Variants in ALDH4A1 observed in about 807,000 individuals in gnomAD.
ALDH4A1 encodes the protein delta-1-pyrroline-5-carboxylate dehydrogenase, mitochondrial.
Under a neutral mutation model 70.5 loss-of-function variants are expected in ALDH4A1, and 46 were observed. That is an observed-to-expected ratio of 0.65 (90% CI 0.51 to 0.83). The LOEUF is 0.83. ALDH4A1 is among the 40% of genes least tolerant of loss of function. The pLI, the probability that ALDH4A1 is intolerant of heterozygous loss-of-function variation, is 0.00. For missense variants in ALDH4A1, 749 were observed against 766.5 expected (o/e 0.98, Z 0.27); for synonymous variants, 323 against 324.3 (o/e 1.00, Z 0.04).
At chr1:18,887,243 A>C (rs1383893394) in intron 3 of ALDH4A1, among the ~76,000 whole-genome samples, 1 of 152,282 alleles carries the variant, frequency 6.6e-6, no homozygotes, top group Non-Finnish European at 1.5e-5. Flanking sequence ...ACAGGAGCTC[A>C]GGCCATGAGA....
chr1:18,882,941 G>A (rs901356275), intron 7 of ALDH4A1, among the ~76,000 whole-genome samples, 183 bp downstream of exon 7: 1 of 152,206 alleles, frequency 6.6e-6, no homozygotes, highest in East Asian at 1.9e-4. Flanking sequence ...AGAGAGGCAC[G>A]ACGCTGGGAT....
At chr1:18,890,151 C>A (rs1430864086) in intron 1 of ALDH4A1, 46 bp from the exon 2 acceptor site, 29 of 1,504,548 alleles carry the variant, frequency 1.9e-5, no homozygotes, top group Non-Finnish European at 2.6e-5. Context: ...TCAGCAGCGG[C>A]CCCACCACCA....
At chr1:18,886,649 C>A in intron 3 of ALDH4A1, 138 bp from the exon 4 acceptor site, 1 of 917,634 alleles carries the variant, frequency 1.1e-6, no homozygotes, top group Non-Finnish European at 1.7e-6. Context: ...CCCATGAAAC[C>A]CTCCCCAGTG....
At chr1:18,874,397 G>T in intron 14 of ALDH4A1, 66 bp downstream of exon 14, 2 of 1,442,422 alleles carry the variant, frequency 1.4e-6, no homozygotes, top group South Asian at 1.1e-5. Context: ...GAAGCCCCTC[G>T]AGACGTAACA....
chr1:18,892,562 G>GT (rs1005547899), intron 1 of ALDH4A1, among the ~76,000 whole-genome samples: 1 of 151,722 alleles, frequency 6.6e-6, no homozygotes, highest in African/African-American at 2.4e-5. Flanking sequence ...AGGAGGCGGG[G>GT]GGGGGCTGAG....
In ALDH4A1 at chr1:18,872,737, A is replaced by G; in HGVS notation, c.*108T>C. On this transcript the variant is annotated 3_prime_UTR_variant, in exon 15 of 15. Coordinates refer to ENST00000375341, the MANE Select transcript of ALDH4A1 (RefSeq NM_003748.4). ...GAAGGGAGTCAAGCCCGGATTATAG[A>G]AAGGCAGCTGTGCATGAAGAAGGGG... 1.2e-6 allele frequency: 1 copy of G among 809,040 alleles called. No individual in the cohort carries two copies. The highest frequency in any genetic ancestry group is 2.1e-6 in the Non-Finnish European group (1 of 485,462). 50.1% of individuals were successfully genotyped at this position (809,040 alleles called of 1,614,324 possible). A position where few individuals can be genotyped will look rare whatever the true frequency, so the allele number is the denominator to read the frequency against.
rs145334067 is a variant in ALDH4A1 at position 18,876,434 on chromosome 1, C to T, written c.1219G>A (p.Ala407Thr). Residue 407 changes from alanine (A) to threonine (T), a missense_variant, in exon 12 of 15, where the codon GCA (alanine) becomes ACA (threonine). Transcript: ENST00000375341. ...ATGGTGAGGCTGGGTGAGGAGCGTG[C>T]GTGCTCCAGCCACTTCTTGATACGG... Reference protein sequence around the residue: ...FARIKKWLEHARSSPSLTILA... With the variant: ...FARIKKWLEHTRSSPSLTILA... 43 of 1,603,842 alleles carry T rather than the reference C, an allele frequency of 2.7e-5. No homozygotes were observed. The highest frequency in any genetic ancestry group is 3.1e-5 in the Non-Finnish European group (37 of 1,176,660).
In ALDH4A1 at chr1:18,881,732, G is replaced by A. The variant is rs936467871; in HGVS notation, c.834C>T (p.His278=). 3 of 1,613,960 alleles carry A rather than the reference G, an allele frequency of 1.9e-6. No individual in the cohort carries two copies. The highest frequency in any genetic ancestry group is 2.7e-5 in the African/African-American group (2 of 74,936). Residue 278 remains histidine (H), a synonymous_variant, in exon 8 of 15, where the codon CAC becomes CAT. Transcript: ENST00000375341. ...TGCCTGTGAAGTTGATGCCACAGAG[G>A]TGCTCTGAGCTGGTGACAGTGTCCC... ...LFGDTVTSSE[H]LCGINFTGSV...
intron 3 of ALDH4A1, among the ~76,000 whole-genome samples, chr1:18,888,759 C>T (rs1935321359): frequency 6.6e-6 from 1 of 152,214 alleles, no homozygotes; most frequent in African/African-American, 2.4e-5. Context: ...AGCTCCAGGA[C>T]ACTGCTGTGG....
At chr1:18,890,193 C>A in intron 1 of ALDH4A1, 88 bp from the exon 2 acceptor site, 1 of 1,104,952 alleles carries the variant, frequency 9.1e-7, no homozygotes, top group Non-Finnish European at 1.3e-6. Context: ...GACAGGGGGT[C>A]CTAGGTGGGC....
intron 1 of ALDH4A1, 78 bp from the exon 2 acceptor site, chr1:18,890,183 G>T (rs1396758137): frequency 8.1e-7 from 1 of 1,241,318 alleles, no homozygotes; most frequent in Non-Finnish European, 1.1e-6. Context: ...CTCTACCTCC[G>T]ACAGGGGGTC....
chr1:18,875,434 C>T lies in ALDH4A1; in HGVS notation c.1408G>A (p.Val470Ile), dbSNP rs2230709. 0.13 allele frequency: 209,066 copies of T among 1,614,076 alleles called. 15,735 individuals are homozygous for T. The highest frequency in any genetic ancestry group is 0.15 in the Non-Finnish European group (175,362 of 1,179,970). The change falls in exon 13 of 15, where the codon GTT (valine) becomes ATT (isoleucine). Residue 470 changes from valine (V) to isoleucine (I), a missense_variant. By Grantham distance (29) the Val-to-Ile change is conservative (BLOSUM62 3). Coordinates refer to ENST00000375341, the MANE Select transcript of ALDH4A1 (RefSeq NM_003748.4). ...AGGCCATAGCTGGTGGTGCTGTCAACCAGCTGCAGCGTCTCCTTGTACTTG... is the reference window on the plus strand; with the variant it reads ...AGGCCATAGCTGGTGGTGCTGTCAATCAGCTGCAGCGTCTCCTTGTACTTG... The part of the protein sequence containing the change: ...DDKYKETLQL[V>I]DSTTSYGLTG...
intron 9 of ALDH4A1, among the ~76,000 whole-genome samples, chr1:18,878,224 T>C (rs1220471573): frequency 6.6e-6 from 1 of 152,204 alleles, no homozygotes; most frequent in Non-Finnish European, 1.5e-5. Context: ...CGCTGTGCTT[T>C]GTCTGACCAA....
chr1:18,893,243 G>C (rs961148876), intron 1 of ALDH4A1, among the ~76,000 whole-genome samples: 1 of 152,170 alleles, frequency 6.6e-6, no homozygotes, highest in East Asian at 1.9e-4. Context: ...GAAAGTCTGC[G>C]AGCCTCAGTT....
At chr1:18,899,789 T>C (rs1399394945) in intron 1 of ALDH4A1, among the ~76,000 whole-genome samples, 1 of 152,226 alleles carries the variant, frequency 6.6e-6, no homozygotes, top group Non-Finnish European at 1.5e-5. Flanking sequence ...GGCCACACTT[T>C]ATGGTGATTG....
intron 14 of ALDH4A1, among the ~76,000 whole-genome samples, chr1:18,873,256 G>A (rs567726720): frequency 3.3e-5 from 5 of 152,202 alleles, no homozygotes; most frequent in Non-Finnish European, 7.4e-5. Context: ...CTGAGAGGCA[G>A]GGACTTGGCA....
At chr1:18,873,055 G>T (rs1934516030) in intron 14 of ALDH4A1, 98 bp from the exon 15 acceptor site, 3 of 1,046,316 alleles carry the variant, frequency 2.9e-6, no homozygotes, top group Non-Finnish European at 4.3e-6. Context: ...CAGCAGTGTA[G>T]CGGCCAGCAG....
intron 1 of ALDH4A1, among the ~76,000 whole-genome samples, chr1:18,892,300 C>G (rs756901597): frequency 2.8e-4 from 42 of 152,278 alleles, no homozygotes; most frequent in Non-Finnish European, 5.7e-4. Flanking sequence ...TGCTGGGTCT[C>G]TGGTGCCGTC....
chr1:18,881,015 C>T (rs1038035270), intron 8 of ALDH4A1, among the ~76,000 whole-genome samples: 1 of 152,160 alleles, frequency 6.6e-6, no homozygotes, highest in Non-Finnish European at 1.5e-5. Context: ...GAGCCGGGAC[C>T]TTGTCCCTGG....
Sources: gnomAD v4.1 joint callset for allele counts (sites outside exome capture counted in the v4.1 genomes callset) on GRCh38, gnomAD v4.1.1 for gene constraint, MANE v1.5 for transcripts, NCBI Gene and HGNC (gene_info 2026-07-23, HGNC 2026-07-21) for gene names.